GLB1L: variants seen among roughly 807,000 people sequenced by gnomAD.
GLB1L encodes the protein galactosidase beta 1 like.
A neutral mutation model predicts 75.7 loss-of-function variants in GLB1L; 58 were observed. The ratio of observed to expected loss-of-function variants is 0.77; its 90% confidence interval spans 0.62 to 0.95. The LOEUF (loss-of-function observed/expected upper bound fraction) is 0.95. Among genes scored for constraint, GLB1L ranks in the 40% least tolerant of loss-of-function variants. GLB1L has a pLI of 0.00. For synonymous variants in GLB1L, 296 were observed against 303.0 expected, an observed-to-expected ratio of 0.98 and a Z score of 0.24; for missense variants, 797 against 805.5, an observed-to-expected ratio of 0.99 and a Z score of 0.13.
intron 5 of GLB1L, among the ~76,000 whole-genome samples, chr2:219,240,693 G>A (rs1191656753): frequency 6.6e-6 from 1 of 152,058 alleles, no homozygotes; most frequent in Non-Finnish European, 1.5e-5. Context: ...GCAGTGAGCC[G>A]AGACTGCACC....
At chr2:219,241,430 GTGTGTGTGTGTGTA>G (rs58110873) in intron 5 of GLB1L, among the ~76,000 whole-genome samples, 5,012 of 98,148 alleles carry the variant, frequency 0.051, 195 homozygotes, top group East Asian at 0.17. Flanking sequence ...GTGTGTGTGT[GTGTGTGTGTGTGTA>G]TATATATATA....
rs763524212 is a variant in GLB1L, at chr2:219,239,469, G to T, written c.903-18C>A. 1.9e-6 allele frequency: 3 copies of T among 1,610,012 alleles called. No homozygotes were observed. The highest frequency in any genetic ancestry group is 1.1e-5 in the South Asian group (1 of 90,404). Reference sequence around the variant, plus strand: ...ACATGTACCTGAAGTGAGAGAGGGTGGGGGAACAGGTAAAAGCTGACTCAC... The same window carrying T: ...ACATGTACCTGAAGTGAGAGAGGGTTGGGGAACAGGTAAAAGCTGACTCAC... On this transcript the variant is annotated intron_variant, in intron 9 of 16. Coordinates refer to ENST00000295759, the MANE Select transcript of GLB1L (RefSeq NM_001286423.2).
At position 219,243,008 on chromosome 2, in the gene GLB1L, G is replaced by A. The variant is rs1019346519; in HGVS notation, c.240-90C>T. On this transcript the variant is annotated intron_variant, in intron 3 of 16. Coordinates refer to ENST00000295759, the MANE Select transcript of GLB1L (RefSeq NM_001286423.2). ...GCCTTGCAGGGAATCTCCAGGAAGC[G>A]GTTGGAAGGAGGTCCTGGCCTGCCC... 1.3e-5 allele frequency: 21 copies of A among 1,573,968 alleles called. 1 individual carries two copies. In the Admixed American group the frequency reaches 3.2e-4, roughly 24 times the overall value.
chr2:219,243,536 A>G lies in GLB1L; in HGVS notation c.38T>C (p.Leu13Pro), dbSNP rs1286921756. 1 of 1,614,112 alleles carries G rather than the reference A, an allele frequency of 6.2e-7. No homozygotes were observed. The highest frequency in any genetic ancestry group is 2.2e-5 in the East Asian group (1 of 44,896). ...PKKLSCLRSL[L>P]LPLSLTLLLP... ...CAGTAGCGTCAGGCTGAGCGGCAGC[A>G]GCAGGGAACGAAGGCAGGACAGCTT... Residue 13 changes from leucine to proline, a missense_variant, in exon 2 of 17, where the codon CTG (leucine) becomes CCG (proline). Coordinates refer to ENST00000295759, the MANE Select transcript of GLB1L (RefSeq NM_001286423.2).
At chr2:219,244,247 G>T (rs1428753508) in intron 1 of GLB1L, among the ~76,000 whole-genome samples, 1 of 152,156 alleles carries the variant, frequency 6.6e-6, no homozygotes, top group Non-Finnish European at 1.5e-5. Context: ...GTGATCCTAG[G>T]CACCTTCAAA....
Position 219,242,825 on chromosome 2 carries a change from T to C in GLB1L, c.333A>G (p.Leu111=). 2 of 1,614,216 alleles carry C rather than the reference T, an allele frequency of 1.2e-6. No individual in the cohort carries two copies. The highest frequency in any genetic ancestry group is 1.7e-6 in the Non-Finnish European group (2 of 1,180,042). The stretch of plus-strand genomic sequence containing the variant: ...GTCTCAGTATGACCAACAGGTTCGC[T>C]AGAGCTGCCTCATTCAGAAAGGCAA... ...DLIAFLNEAA[L]ANLLVILRPG... is the part of the protein sequence containing the mutation. The change falls in exon 4 of 17, where the codon CTA becomes CTG. Residue 111 remains leucine, a synonymous_variant. Transcript: ENST00000295759.
chr2:219,239,068 G>A lies in GLB1L; in HGVS notation c.1062+24C>T, dbSNP rs570441858. ...TCCTCCAAATTAATAAAAGCCTTTG[G>A]AGCTTAATGAAATGGTAGGGTACCT... On this transcript the variant is annotated intron_variant, in intron 11 of 16. Coordinates refer to ENST00000295759, the MANE Select transcript of GLB1L (RefSeq NM_001286423.2). 4 of 1,468,020 alleles carry A rather than the reference G, an allele frequency of 2.7e-6. No homozygotes were observed. The African/African-American group carries it at 4.2e-5, about 15-fold the overall frequency. The allele number at this position is 1,468,020 out of a possible 1,614,324, so 90.9% of individuals were successfully genotyped here. A position where few individuals can be genotyped will look rare whatever the true frequency, so the allele number is the denominator to read the frequency against.
Position 219,237,330 on chromosome 2 carries a change from A to G in GLB1L, c.1707T>C (p.Asn569=), listed in dbSNP as rs374960051. Residue 569 remains asparagine (N), a synonymous_variant, in exon 17 of 17, where the codon AAT becomes AAC. Transcript: ENST00000295759. ...PGWTKGQVWI[N]GFNLGRYWTK... The stretch of plus-strand genomic sequence containing the variant: ...TCCAGTACCGGCCCAAGTTAAACCC[A>G]TTGATCCAGACTTGGCCCTGGGGAA... 25 of 1,613,652 alleles carry G rather than the reference A, an allele frequency of 1.5e-5. No individual in the cohort carries two copies. The African/African-American group carries it at 2.7e-4, about 17-fold the overall frequency.
At chr2:219,244,879 T>A (rs1951490103) in intron 1 of GLB1L, among the ~76,000 whole-genome samples, 1 of 152,216 alleles carries the variant, frequency 6.6e-6, no homozygotes, top group Non-Finnish European at 1.5e-5. Flanking sequence ...TTAACGGAGC[T>A]GTCATTTGAA....
chr2:219,241,515 G>C (rs1443901009), intron 5 of GLB1L, among the ~76,000 whole-genome samples: 5 of 146,138 alleles, frequency 3.4e-5, no homozygotes, highest in Non-Finnish European at 7.5e-5. Flanking sequence ...GACCAGGAAG[G>C]CCTCACCAAG....
chr2:219,240,342 T>A, intron 5 of GLB1L, 57 bp from the exon 6 acceptor site: 1 of 1,312,968 alleles, frequency 7.6e-7, no homozygotes, highest in Non-Finnish European at 1.1e-6. Flanking sequence ...TGCTCACCAC[T>A]AAATATGGGA....
intron 14 of GLB1L, 105 bp downstream of exon 14, chr2:219,238,145 A>G: frequency 9.5e-7 from 1 of 1,053,280 alleles, no homozygotes; most frequent in East Asian, 2.4e-5. Context: ...ACCCTCTGCA[A>G]ACGTGAACAG....
In GLB1L at chr2:219,237,971, A is replaced by T; in HGVS notation, c.1342-14T>A. The T allele has an allele frequency of 6.2e-7, 1 of 1,613,842 alleles. No homozygotes were observed. Among genetic ancestry groups the T allele is most frequent in the Non-Finnish European group, 8.5e-7 (1 of 1,179,812 alleles). ...ACCCTGGAACACCTGTGGATAGGAG[A>T]TAGGATAGGAGCAAGGCTCAGCATC... is the stretch of plus-strand genomic sequence containing the variant. On this transcript the variant is annotated splice_polypyrimidine_tract_variant and intron_variant, in intron 14 of 16. Transcript: ENST00000295759.
rs775070483 is a variant in GLB1L at position 219,242,939 on chromosome 2, T to C, written c.240-21A>G. On this transcript the variant is annotated intron_variant, in intron 3 of 16. Transcript: ENST00000295759. ...CATAACTGAGAAAGGAAGAGGTTAA[T>C]AGGAACCAAGGTGAAGAGACGCCAG... 9 of 1,614,020 alleles carry C rather than the reference T, an allele frequency of 5.6e-6. No homozygotes were observed. In the East Asian group the frequency reaches 1.8e-4, roughly 32 times the overall value.
rs1355883828 is a variant in GLB1L at position 219,239,666 on chromosome 2, T to C, written c.797A>G (p.Tyr266Cys). Reference protein sequence around the residue: ...PHGPLVNSEYYTGWLDYWGQN... With the variant: ...PHGPLVNSEYCTGWLDYWGQN... Reference sequence around the variant, plus strand: ...GCCCCAGTAATCCAGCCAGCCTGTGTAGTACTCAGAGTTTACCTAGAGTGT... The same window carrying C: ...GCCCCAGTAATCCAGCCAGCCTGTGCAGTACTCAGAGTTTACCTAGAGTGT... The change falls in exon 9 of 17, where the codon TAC becomes TGC. Residue 266 changes from tyrosine to cysteine, a missense_variant. Transcript: ENST00000295759. The C allele has an allele frequency of 1.2e-6, 2 of 1,614,064 alleles. No individual in the cohort carries two copies. Among genetic ancestry groups the C allele is most frequent in the Non-Finnish European group, 1.7e-6 (2 of 1,180,038 alleles).
chr2:219,239,019 A>T (rs1271969076), intron 11 of GLB1L, 73 bp downstream of exon 11: 1 of 1,070,448 alleles, frequency 9.3e-7, no homozygotes, highest in African/African-American at 1.6e-5. Context: ...TTTATGGGAT[A>T]CCTTTACAAT....
At position 219,238,231 on chromosome 2, in the gene GLB1L, C is replaced by A. The variant is rs116252189; in HGVS notation, c.1341+19G>T. On this transcript the variant is annotated intron_variant, in intron 14 of 16. Coordinates refer to ENST00000295759, the MANE Select transcript of GLB1L (RefSeq NM_001286423.2). Reference sequence around the variant, plus strand: ...GAAGGGAGGAGTTTGGGGCTCACAGCCTGGAATTAGGTTCTCACCCCATCC... The same window carrying A: ...GAAGGGAGGAGTTTGGGGCTCACAGACTGGAATTAGGTTCTCACCCCATCC... 6.6e-7 allele frequency: 1 copy of A among 1,520,258 alleles called. No individual in the cohort carries two copies. The highest frequency in any genetic ancestry group is 9.0e-7 in the Non-Finnish European group (1 of 1,112,632). 94.2% of individuals were successfully genotyped at this position (1,520,258 alleles called of 1,614,324 possible).
chr2:219,240,374 A>G (rs1951355895), intron 5 of GLB1L, 89 bp from the exon 6 acceptor site: 1 of 1,053,460 alleles, frequency 9.5e-7, no homozygotes, highest in Non-Finnish European at 1.5e-6. Flanking sequence ...TTGTCAAGAA[A>G]TTCCCAACCC....
chr2:219,240,014 T>C lies in GLB1L; in HGVS notation c.627A>G (p.Leu209=). The part of the protein sequence containing the change: ...RHLAGLFRAL[L]GEKILLFTTD... The stretch of plus-strand genomic sequence containing the variant: ...TGGTGAAGAGCAAGATCTTTTCTCC[T>C]AGCAGTGCACGGAAGAGCCCAGCCA... Residue 209 remains leucine (L), a synonymous_variant, in exon 7 of 17, where the codon CTA becomes CTG. Transcript: ENST00000295759. 6.2e-7 allele frequency: 1 copy of C among 1,613,996 alleles called. No homozygotes were observed. Among genetic ancestry groups the C allele is most frequent in the South Asian group, 1.1e-5 (1 of 91,076 alleles).
Sources: gnomAD v4.1 joint callset for allele counts (sites outside exome capture counted in the v4.1 genomes callset) on GRCh38, gnomAD v4.1.1 for gene constraint, MANE v1.5 for transcripts, NCBI Gene and HGNC (gene_info 2026-07-23, HGNC 2026-07-21) for gene names.